Variants in GSR observed in about 807,000 individuals in gnomAD.
GSR encodes the protein glutathione-disulfide reductase.
In GSR, 48 loss-of-function variants were observed where a neutral mutation model predicts 56.5. The observed-to-expected ratio is 0.85, with a 90% CI of 0.67 to 1.08. The LOEUF is 1.08. Among genes scored for constraint, GSR ranks in the 50% least tolerant of loss-of-function variants. GSR has a pLI of 0.00. For missense variants in GSR, 694 were observed against 703.3 expected, an observed-to-expected ratio of 0.99 and a Z score of 0.15; for synonymous variants, 264 against 270.8, an observed-to-expected ratio of 0.97 and a Z score of 0.25.
At chr8:30,709,942 A>ATTTTTATCTGCTGTTACCTAGTTACC in intron 2 of GSR, 40 bp from the exon 3 acceptor site, 1 of 1,088,430 alleles carries the variant, frequency 9.2e-7, no homozygotes, top group Non-Finnish European at 1.4e-6. Context: ...AAACAGCAGT[A>ATTTTTATCTGCTGTTACCTAGTTACC]AATCAGTCCT....
intron 4 of GSR, among the ~76,000 whole-genome samples, chr8:30,707,340 C>T (rs1803951399): frequency 6.6e-6 from 1 of 152,070 alleles, no homozygotes; most frequent in Non-Finnish European, 1.5e-5. Flanking sequence ...AGAGACTGGC[C>T]ATCTAGGTCA....
At chr8:30,719,358 C>T (rs916737513) in intron 1 of GSR, among the ~76,000 whole-genome samples, 7 of 151,796 alleles carry the variant, frequency 4.6e-5, no homozygotes, top group Non-Finnish European at 8.8e-5. Context: ...CCTCATGATC[C>T]GCCCACCTCG....
intron 2 of GSR, 106 bp from the exon 3 acceptor site, chr8:30,710,008 C>T (rs1236119483): frequency 2.8e-6 from 2 of 709,156 alleles, no homozygotes; most frequent in East Asian, 2.7e-5. Flanking sequence ...GATAAAAATA[C>T]TGCCCTTTAA....
intron 1 of GSR, among the ~76,000 whole-genome samples, chr8:30,726,269 A>G (rs553756031): frequency 4.2e-4 from 64 of 152,294 alleles, no homozygotes; most frequent in Non-Finnish European, 8.1e-4. Flanking sequence ...TTTTAAGGTG[A>G]TAAGAGACAC....
At chr8:30,708,559 C>T (rs556469175) in intron 3 of GSR, among the ~76,000 whole-genome samples, 1 of 152,198 alleles carries the variant, frequency 6.6e-6, no homozygotes, top group African/African-American at 2.4e-5. Context: ...CCATACGATT[C>T]GGCAATTTCA....
chr8:30,684,516 A>C (rs758454631), intron 9 of GSR, among the ~76,000 whole-genome samples: 125 of 152,300 alleles, frequency 8.2e-4, no homozygotes, highest in Non-Finnish European at 1.4e-3. Context: ...AAAGTTGGCA[A>C]GTTTCATATC....
At chr8:30,726,678 C>T (rs1466720762) in intron 1 of GSR, among the ~76,000 whole-genome samples, 1 of 152,126 alleles carries the variant, frequency 6.6e-6, no homozygotes, top group Non-Finnish European at 1.5e-5. Context: ...GAGAGGATCC[C>T]TTGAGCCCGG....
At chr8:30,706,821 G>A (rs1005674798) in intron 4 of GSR, among the ~76,000 whole-genome samples, 1 of 152,142 alleles carries the variant, frequency 6.6e-6, no homozygotes, top group African/African-American at 2.4e-5. Context: ...TCTTAAGGAG[G>A]TCTTACTCTA....
chr8:30,696,435 G>A lies in GSR; in HGVS notation c.740C>T (p.Ala247Val). The change falls in exon 7 of 13, where the codon GCA becomes GTA. Residue 247 changes from alanine to valine, a missense_variant. Transcript: ENST00000221130. Reference protein sequence around the residue: ...VGAGYIAVEMAGILSALGSKT... With the variant: ...VGAGYIAVEMVGILSALGSKT... ...AGAACCCAGGGCTGACAGGATCCCTGCCATCTCCACAGCAATGTAACCTGC... is the reference window on the plus strand; with the variant it reads ...AGAACCCAGGGCTGACAGGATCCCTACCATCTCCACAGCAATGTAACCTGC... 5 of 1,613,442 alleles carry A rather than the reference G, an allele frequency of 3.1e-6. No individual in the cohort carries two copies. Among genetic ancestry groups the A allele is most frequent in the Non-Finnish European group, 4.2e-6 (5 of 1,179,372 alleles).
chr8:30,688,864 G>A (rs757257683), intron 9 of GSR, among the ~76,000 whole-genome samples: 18 of 150,298 alleles, frequency 1.2e-4, no homozygotes, highest in African/African-American at 2.0e-4. Flanking sequence ...TTAAGACTGC[G>A]GTGAGCTATG....
At chr8:30,691,508 C>T (rs1175671080) in intron 8 of GSR, among the ~76,000 whole-genome samples, 2 of 150,820 alleles carry the variant, frequency 1.3e-5, no homozygotes, top group African/African-American at 2.4e-5. Flanking sequence ...TGGTGAAACC[C>T]CGTCTCTACT....
chr8:30,689,346 A>G (rs1156979851), intron 8 of GSR, 27 bp from the exon 9 acceptor site: 3 of 1,603,514 alleles, frequency 1.9e-6, no homozygotes, highest in Non-Finnish European at 2.6e-6. Flanking sequence ...TGTGTTACAC[A>G]TGTGTGGAGG....
chr8:30,723,801 CA>C (rs1804633527), intron 1 of GSR, among the ~76,000 whole-genome samples: 1 of 151,740 alleles, frequency 6.6e-6, no homozygotes, highest in African/African-American at 2.4e-5. Flanking sequence ...CACACACACA[CA>C]CACACACACA....
At chr8:30,707,720 C>T (rs1803962453) in intron 4 of GSR, among the ~76,000 whole-genome samples, 1 of 151,880 alleles carries the variant, frequency 6.6e-6, no homozygotes, top group Non-Finnish European at 1.5e-5. Flanking sequence ...TTTGAGAGGA[C>T]AAGGTGGGCA....
In GSR at chr8:30,679,373, C is replaced by A. The variant is rs1802859421; in HGVS notation, c.*147G>T. ...AAATTTCTAACTCCATAAATAAGTT[C>A]TATTATGTACTAAAAATTTCCACTA... On this transcript the variant is annotated 3_prime_UTR_variant, in exon 13 of 13. Transcript: ENST00000221130. The A allele has an allele frequency of 5.4e-6, 4 of 747,148 alleles. No homozygotes were observed. The Admixed American group carries it at 6.4e-5, about 12-fold the overall frequency. The allele number at this position is 747,148 out of a possible 1,614,324, so 46.3% of individuals were successfully genotyped here. A position where few individuals can be genotyped will look rare whatever the true frequency, so the allele number is the denominator to read the frequency against.
chr8:30,702,665 G>C (rs904185566), intron 5 of GSR, among the ~76,000 whole-genome samples: 4 of 152,044 alleles, frequency 2.6e-5, no homozygotes, highest in African/African-American at 9.7e-5. Flanking sequence ...TCTCTTGGCT[G>C]GGCACGGTGG....
chr8:30,684,188 G>A lies in GSR; in HGVS notation c.1053C>T (p.Thr351=), dbSNP rs561348625. The change falls in exon 10 of 13, where the codon ACC becomes ACT. Residue 351 remains threonine (T), a synonymous_variant. Transcript: ENST00000221130. The part of the protein sequence containing the change: ...DLSLNKLGIQ[T]DDKGHIIVDE... ...CTACGATGATATGACCCTTGTCATC[G>A]GTTTGAATCCCCTAAAATTACAAAG... 7 of 1,591,404 alleles carry A rather than the reference G, an allele frequency of 4.4e-6. No individual in the cohort carries two copies. Among genetic ancestry groups the A allele is most frequent in the Admixed American group, 3.3e-5 (2 of 59,988 alleles).
At chr8:30,708,232 G>GAAT (rs1218303274) in intron 3 of GSR, 91 bp from the exon 4 acceptor site, 1 of 913,640 alleles carries the variant, frequency 1.1e-6, no homozygotes, top group Non-Finnish European at 1.8e-6. Flanking sequence ...CCCGAGCAGA[G>GAAT]AATCACTGAC....
At chr8:30,710,475 G>A (rs1228851631) in intron 2 of GSR, among the ~76,000 whole-genome samples, 1 of 151,404 alleles carries the variant, frequency 6.6e-6, no homozygotes, top group Non-Finnish European at 1.5e-5. Context: ...CCAGCACTTT[G>A]GAAGGCAGAG....
Sources: allele counts gnomAD v4.1 joint callset (sites outside exome capture counted in the v4.1 genomes callset), GRCh38; gene constraint gnomAD v4.1.1; transcripts MANE v1.5; gene names NCBI Gene and HGNC (gene_info 2026-07-23, HGNC 2026-07-21).